The following LRMDA variants were observed in gnomAD, a reference collection of about 807,000 sequenced individuals.
The protein encoded by LRMDA is leucine-rich melanocyte differentiation-associated protein.
LRMDA carries 18 observed loss-of-function variants against 29.8 expected under a neutral mutation model. The observed-to-expected ratio is 0.60, with a 90% CI of 0.42 to 0.90. The LOEUF (loss-of-function observed/expected upper bound fraction) is 0.90. Among genes scored for constraint, LRMDA ranks in the 40% least tolerant of loss-of-function variants. The pLI is 0.00. For missense variants in LRMDA, 273 were observed against 273.9 expected (o/e 1.00, Z 0.02); for synonymous variants, 125 against 109.4 (o/e 1.14, Z -0.89).
rs960366757 is a variant in LRMDA at position 75,855,256 on chromosome 10, C to T, written c.132-180752C>T. Among the ~76,000 whole-genome samples the T allele has an allele frequency of 2.6e-5, 4 of 152,032 alleles. 2 individuals carry two copies. The highest frequency in any genetic ancestry group is 5.9e-5 in the Non-Finnish European group (4 of 67,998). On this transcript the variant is annotated intron_variant, in intron 2 of 6. Coordinates refer to ENST00000611255, the MANE Select transcript of LRMDA (RefSeq NM_001305581.2). ...TGTTTCCTGACTTTTTAATGATCGA[C>T]ATTCGAACTGGTGTGAGATGGTATC...
chr10:75,583,147 A>G (rs1390820540), intron 2 of LRMDA, among the ~76,000 whole-genome samples: 1 of 152,154 alleles, frequency 6.6e-6, no homozygotes, highest in African/African-American at 2.4e-5. Context: ...ACACTCTCCC[A>G]ACCTCTGGCT....
At chr10:75,672,531 C>T (rs1356612215) in intron 2 of LRMDA, among the ~76,000 whole-genome samples, 29 of 2,702 alleles carry the variant, frequency 0.011, no homozygotes, top group African/African-American at 0.054. Flanking sequence ...TTTTCCTCCC[C>T]TCCCCTCCCC....
chr10:75,505,826 A>T (rs1845163325), intron 2 of LRMDA, among the ~76,000 whole-genome samples: 1 of 152,138 alleles, frequency 6.6e-6, no homozygotes, highest in Non-Finnish European at 1.5e-5. Context: ...AGCAGTTCTC[A>T]TGCTGATGGT....
intron 1 of LRMDA, among the ~76,000 whole-genome samples, chr10:75,433,499 G>A (rs1324709835): frequency 6.6e-6 from 1 of 152,164 alleles, no homozygotes; most frequent in East Asian, 1.9e-4. Context: ...TTCCTAAACT[G>A]CCCAGGTTAG....
At chr10:75,575,456 A>T (rs1840491797) in intron 2 of LRMDA, among the ~76,000 whole-genome samples, 1 of 152,124 alleles carries the variant, frequency 6.6e-6, no homozygotes, top group African/African-American at 2.4e-5. Context: ...CCAAGACAGA[A>T]TAGGGGTATA....
intron 2 of LRMDA, among the ~76,000 whole-genome samples, chr10:75,488,009 ATG>A (rs1328249884): frequency 6.6e-6 from 1 of 152,186 alleles, no homozygotes; most frequent in Non-Finnish European, 1.5e-5. Context: ...GTATCAACTC[ATG>A]TGTCAGTTGG....
intron 5 of LRMDA, among the ~76,000 whole-genome samples, chr10:76,322,990 G>T (rs1483990591): frequency 6.6e-6 from 1 of 151,892 alleles, no homozygotes; most frequent in Non-Finnish European, 1.5e-5. Context: ...ATAATTTTGG[G>T]CTCTACATTC....
At chr10:75,853,978 G>T (rs1480243968) in intron 2 of LRMDA, among the ~76,000 whole-genome samples, 1 of 152,214 alleles carries the variant, frequency 6.6e-6, no homozygotes, top group Non-Finnish European at 1.5e-5. Flanking sequence ...GGTCTGTGCT[G>T]CAGGACAGAG....
chr10:75,599,001 G>C (rs1268395364), intron 2 of LRMDA, among the ~76,000 whole-genome samples: 2 of 152,160 alleles, frequency 1.3e-5, no homozygotes, highest in African/African-American at 4.8e-5. Context: ...GAGGAGAGGA[G>C]GTGGGGGCAG....
chr10:76,015,771 CAGAT>C (rs1847870414), intron 2 of LRMDA, among the ~76,000 whole-genome samples: 1 of 152,206 alleles, frequency 6.6e-6, no homozygotes, highest in Non-Finnish European at 1.5e-5. Context: ...CCCACTTAGA[CAGAT>C]TTCATTGGCT....
chr10:76,194,800 A>G (rs1238798520), intron 5 of LRMDA, among the ~76,000 whole-genome samples: 1 of 152,196 alleles, frequency 6.6e-6, no homozygotes, highest in Non-Finnish European at 1.5e-5. Flanking sequence ...ATTTTTTATC[A>G]AAAGGCCACA....
intron 2 of LRMDA, among the ~76,000 whole-genome samples, chr10:75,896,100 T>C (rs1264398340): frequency 1.3e-5 from 2 of 152,228 alleles, no homozygotes; most frequent in African/African-American, 4.8e-5. Context: ...ACATATTCCA[T>C]CAATACCAGC....
At chr10:75,976,974 A>G (rs911389172) in intron 2 of LRMDA, among the ~76,000 whole-genome samples, 9 of 152,262 alleles carry the variant, frequency 5.9e-5, no homozygotes, top group African/African-American at 2.2e-4. Flanking sequence ...CTTAGGCCTG[A>G]ACATTGTCAA....
At chr10:76,027,962 A>G (rs919591178) in intron 2 of LRMDA, among the ~76,000 whole-genome samples, 1 of 152,180 alleles carries the variant, frequency 6.6e-6, no homozygotes, top group East Asian at 1.9e-4. Flanking sequence ...CTTGTTTGCA[A>G]TGTTATTGTA....
At chr10:75,516,466 A>G (rs1455438192) in intron 2 of LRMDA, among the ~76,000 whole-genome samples, 4 of 152,026 alleles carry the variant, frequency 2.6e-5, no homozygotes, top group African/African-American at 9.7e-5. Context: ...GATGATGAGC[A>G]TTTTTTCATG....
intron 2 of LRMDA, among the ~76,000 whole-genome samples, chr10:75,827,156 T>A (rs1480095231): frequency 6.6e-6 from 1 of 152,152 alleles, no homozygotes; most frequent in Non-Finnish European, 1.5e-5. Flanking sequence ...ACATCGCATG[T>A]TTTTGTGCGT....
intron 6 of LRMDA, among the ~76,000 whole-genome samples, chr10:76,445,467 G>A (rs769054609): frequency 1.6e-4 from 25 of 152,246 alleles, no homozygotes; most frequent in African/African-American, 3.1e-4. Flanking sequence ...AGGGCATCAC[G>A]GATGTTTATT....
intron 2 of LRMDA, among the ~76,000 whole-genome samples, chr10:75,796,027 A>T (rs2132256538): frequency 6.6e-6 from 1 of 152,270 alleles, no homozygotes; most frequent in African/African-American, 2.4e-5. Flanking sequence ...AGCAATATTG[A>T]TTTTTGTATA....
At chr10:75,728,028 C>A (rs951997977) in intron 2 of LRMDA, among the ~76,000 whole-genome samples, 3 of 152,102 alleles carry the variant, frequency 2.0e-5, no homozygotes, top group African/African-American at 7.2e-5. Context: ...CTGAATTATT[C>A]ATTATTTCAT....
Sources: allele counts gnomAD v4.1 joint callset (sites outside exome capture counted in the v4.1 genomes callset), GRCh38; gene constraint gnomAD v4.1.1; transcripts MANE v1.5; gene names NCBI Gene and HGNC (gene_info 2026-07-23, HGNC 2026-07-21).